The following GABRA3 variants were observed in gnomAD, a reference collection of about 807,000 sequenced individuals.
GABRA3 encodes the protein gamma-aminobutyric acid type A receptor subunit alpha3.
In GABRA3, 10 loss-of-function variants were observed where a neutral mutation model predicts 30.1. The observed-to-expected ratio is 0.33, with a 90% confidence interval of 0.20 to 0.56. GABRA3 has a LOEUF of 0.56. GABRA3 is among the 20% of genes least tolerant of loss of function. The pLI, the probability that GABRA3 is intolerant of heterozygous loss-of-function variation, is 0.89. For missense variants in GABRA3, 233 were observed against 392.0 expected (o/e 0.59, Z 3.42); for synonymous variants, 151 against 146.8 (o/e 1.03, Z -0.21).
intron 4 of GABRA3, among the ~76,000 whole-genome samples, chrX:152,278,512 A>T (rs1353326806): frequency 9.8e-5 from 11 of 111,680 alleles, no homozygotes; most frequent in Non-Finnish European, 2.1e-4. Context: ...TCTATCATTG[A>T]TGGACATTTG....
chrX:152,402,993 C>T (rs896949912), intron 1 of GABRA3, among the ~76,000 whole-genome samples: 1 of 111,501 alleles, frequency 9.0e-6, no homozygotes, highest in African/African-American at 3.2e-5. Context: ...GCTATATTAA[C>T]ATAAGAAGAA....
chrX:152,271,851 C>A (rs987150757), intron 4 of GABRA3, among the ~76,000 whole-genome samples: 1 of 111,830 alleles, frequency 8.9e-6, no homozygotes, highest in Admixed American at 9.5e-5. Context: ...TAGCTCGGGC[C>A]ATTGCTTTGG....
intron 9 of GABRA3, among the ~76,000 whole-genome samples, chrX:152,181,492 T>C (rs754958136): frequency 4.1e-4 from 45 of 110,601 alleles, no homozygotes; most frequent in African/African-American, 1.5e-3. Context: ...GATCAGGCCA[T>C]AAAAAATGAT....
intron 4 of GABRA3, among the ~76,000 whole-genome samples, chrX:152,270,577 A>G: frequency 9.0e-6 from 1 of 110,907 alleles, no homozygotes; most frequent in Non-Finnish European, 1.9e-5. Flanking sequence ...CAGAAAGGCC[A>G]AGTGCAGTGG....
intron 9 of GABRA3, among the ~76,000 whole-genome samples, chrX:152,169,263 A>G (rs748132636): frequency 8.9e-6 from 1 of 112,421 alleles, no homozygotes; most frequent in South Asian, 3.7e-4. Flanking sequence ...GCATCATTAC[A>G]ACAGCTTCCC....
intron 1 of GABRA3, among the ~76,000 whole-genome samples, chrX:152,390,986 T>G (rs1482927732): frequency 9.0e-6 from 1 of 111,506 alleles, no homozygotes; most frequent in Non-Finnish European, 1.9e-5. Context: ...ACAGAGGAAT[T>G]AATGGCTATA....
intron 4 of GABRA3, among the ~76,000 whole-genome samples, chrX:152,260,183 T>G (rs1356710742): frequency 9.0e-6 from 1 of 110,704 alleles, no homozygotes; most frequent in Non-Finnish European, 1.9e-5. Flanking sequence ...TAGGAAAGAC[T>G]GCATGCTGTG....
chrX:152,360,726 T>TA lies in GABRA3; in HGVS notation c.140+3704dup, dbSNP rs1204355242. Among the ~76,000 whole-genome samples, 213 of 45,946 alleles carry TA rather than the reference T, an allele frequency of 4.6e-3. 2 individuals carry two copies. The highest frequency in any genetic ancestry group is 0.018 in the African/African-American group (197 of 11,249). 39.9% of individuals were successfully genotyped at this position (45,946 alleles called of 115,157 possible). A position where few individuals can be genotyped will look rare whatever the true frequency, so the allele number is the denominator to read the frequency against. On this transcript the variant is annotated intron_variant, in intron 2 of 9. Coordinates refer to ENST00000370314, the MANE Select transcript of GABRA3 (RefSeq NM_000808.4). ...AAAAAAAAAATTAAAAAAAAAAAAT[T>TA]AAAAAAAAAAATTAAAAAAAAAAAT...
intron 3 of GABRA3, among the ~76,000 whole-genome samples, chrX:152,322,602 C>T (rs191341904): frequency 2.0e-3 from 213 of 107,574 alleles, no homozygotes; most frequent in African/African-American, 7.0e-3. Flanking sequence ...GGCACGATCT[C>T]GGCTCATTGA....
At chrX:152,394,144 C>CT (rs1929578093) in intron 1 of GABRA3, among the ~76,000 whole-genome samples, 1 of 111,354 alleles carries the variant, frequency 9.0e-6, no homozygotes. Context: ...AACCTTACTA[C>CT]TTTTTTTGTC....
intron 1 of GABRA3, among the ~76,000 whole-genome samples, chrX:152,377,885 C>G (rs1208454844): frequency 9.0e-6 from 1 of 111,430 alleles, no homozygotes; most frequent in Non-Finnish European, 1.9e-5. Flanking sequence ...TCTTCAAACC[C>G]CAGGAGACTG....
intron 3 of GABRA3, among the ~76,000 whole-genome samples, chrX:152,325,692 T>C (rs1940044016): frequency 8.9e-6 from 1 of 112,140 alleles, no homozygotes; most frequent in Middle Eastern, 4.6e-3. Context: ...AAATCCCATC[T>C]GTACGTCACC....
At chrX:152,409,812 A>G in intron 1 of GABRA3, among the ~76,000 whole-genome samples, 1 of 112,198 alleles carries the variant, frequency 8.9e-6, no homozygotes, top group Admixed American at 9.5e-5. Flanking sequence ...AGATTCCTCA[A>G]AAAAATAAAA....
At chrX:152,384,458 T>C (rs1302936164) in intron 1 of GABRA3, among the ~76,000 whole-genome samples, 2 of 111,959 alleles carry the variant, frequency 1.8e-5, no homozygotes, top group Non-Finnish European at 3.8e-5. Context: ...CAGAAATAGA[T>C]ATAGGTTTAT....
chrX:152,305,047 T>G (rs1164057988), intron 3 of GABRA3, among the ~76,000 whole-genome samples: 1 of 111,882 alleles, frequency 8.9e-6, no homozygotes, highest in Non-Finnish European at 1.9e-5. Context: ...ATTCATTTAT[T>G]TTTTCTTATT....
intron 3 of GABRA3, among the ~76,000 whole-genome samples, chrX:152,295,528 C>T (rs766763075): frequency 3.9e-4 from 44 of 113,184 alleles, no homozygotes; most frequent in Non-Finnish European, 6.2e-4. Flanking sequence ...ATCTCCTGCT[C>T]TGCCGTTTGC....
In GABRA3 at chrX:152,327,442, T is replaced by C. The variant is rs187842323; in HGVS notation, c.262+18139A>G. On this transcript the variant is annotated intron_variant, in intron 3 of 9. Transcript: ENST00000370314. ...CACACTTATTCCAAAATTGACCACA[T>C]AGTTGGAAGAAAAGCACTCCTTAGC... Among the ~76,000 whole-genome samples, 5 of 111,772 alleles carry C rather than the reference T, an allele frequency of 4.5e-5. No homozygotes were observed. In the East Asian group the frequency reaches 1.4e-3, roughly 31 times the overall value.
At chrX:152,255,167 T>C (rs1055811223) in intron 5 of GABRA3, among the ~76,000 whole-genome samples, 59 of 111,759 alleles carry the variant, frequency 5.3e-4, no homozygotes, top group African/African-American at 1.8e-3. Context: ...AAACACCATG[T>C]ATAGATAGAT....
At chrX:152,429,157 T>G (rs1034983773) in intron 1 of GABRA3, among the ~76,000 whole-genome samples, 7 of 110,927 alleles carry the variant, frequency 6.3e-5, no homozygotes, top group Non-Finnish European at 1.1e-4. Context: ...GGAAATAAAT[T>G]TAAAGAAGGA....
Sources: allele counts gnomAD v4.1 joint callset (sites outside exome capture counted in the v4.1 genomes callset), GRCh38; gene constraint gnomAD v4.1.1; transcripts MANE v1.5; gene names NCBI Gene and HGNC (gene_info 2026-07-23, HGNC 2026-07-21).